RNF144B: variants seen among roughly 807,000 people sequenced by gnomAD.
RNF144B encodes the protein ring finger protein 144B.
A neutral mutation model predicts 40.2 loss-of-function variants in RNF144B; 25 were observed. The ratio of observed to expected loss-of-function variants is 0.62; its 90% CI spans 0.45 to 0.87. The LOEUF (loss-of-function observed/expected upper bound fraction) is 0.87, where lower values mean the gene tolerates loss of function less well. RNF144B is among the 40% of genes least tolerant of loss of function. The pLI, the probability that RNF144B is intolerant of heterozygous loss-of-function variation, is 0.00. For missense variants in RNF144B, 365 were observed against 373.7 expected, an observed-to-expected ratio of 0.98 and a Z score of 0.19; for synonymous variants, 145 against 136.3, an observed-to-expected ratio of 1.06 and a Z score of -0.44.
intron 2 of RNF144B, 50 bp downstream of exon 2, chr6:18,399,749 C>T: frequency 6.9e-7 from 1 of 1,446,502 alleles, no homozygotes; most frequent in South Asian, 1.2e-5. Flanking sequence ...AGGGAAAAAT[C>T]ATAAAAGTAG....
rs1365423899 is a variant in RNF144B, at chr6:18,418,585, T to C, written c.166-8996T>C. Among the ~76,000 whole-genome samples, 1 of 151,704 alleles carries C rather than the reference T, an allele frequency of 6.6e-6. No individual in the cohort carries two copies. The highest frequency in any genetic ancestry group is 1.5e-5 in the Non-Finnish European group (1 of 67,934). On this transcript the variant is annotated intron_variant, in intron 2 of 7. Transcript: ENST00000259939. The surrounding 1 kb of genome is among the most constrained non-coding windows in gnomAD (Gnocchi z 5.2). The stretch of plus-strand genomic sequence containing the variant: ...GTGCATGGAGGATCTGGGGGAGAAA[T>C]GGGGAGCATGTACTAATGGGCACAG...
At chr6:18,409,510 C>T (rs910128952) in intron 2 of RNF144B, among the ~76,000 whole-genome samples, 8 of 151,080 alleles carry the variant, frequency 5.3e-5, no homozygotes, top group African/African-American at 1.9e-4. Context: ...TGCCCTCCCC[C>T]ACCCTCTTGG....
Position 18,458,663 on chromosome 6 carries a change from C to T in RNF144B, c.537-944C>T, listed in dbSNP as rs1249908846. Among the ~76,000 whole-genome samples the T allele has an allele frequency of 6.6e-6, 1 of 152,210 alleles. No individual in the cohort carries two copies. Among genetic ancestry groups the T allele is most frequent in the African/African-American group, 2.4e-5 (1 of 41,460 alleles). ...ATCTGTGTGTCTCATAGAAGCCACTCAGCCTCTGTGAGTCTGTTTCCCTAT... is the reference window on the plus strand; with the variant it reads ...ATCTGTGTGTCTCATAGAAGCCACTTAGCCTCTGTGAGTCTGTTTCCCTAT... On this transcript the variant is annotated intron_variant, in intron 5 of 7. Transcript: ENST00000259939. The surrounding 1 kb of genome is among the most constrained non-coding windows in gnomAD (Gnocchi z 4.8).
Position 18,439,698 on chromosome 6 carries a change from A to G in RNF144B, c.285A>G (p.Val95=), listed in dbSNP as rs1262248510. 3.7e-6 allele frequency: 6 copies of G among 1,612,496 alleles called. No individual in the cohort carries two copies. Among genetic ancestry groups the G allele is most frequent in the Non-Finnish European group, 5.1e-6 (6 of 1,178,738 alleles). The change falls in exon 4 of 8, where the codon GTA becomes GTG. Residue 95 remains valine, a synonymous_variant. Coordinates refer to ENST00000259939, the MANE Select transcript of RNF144B (RefSeq NM_182757.4). ...TLQEAEIACL[V]PVDQFQLYQR... ...TCTGGTTTCAGATTGCCTGTTTGGT[A>G]CCTGTGGACCAGTTTCAACTTTATC...
chr6:18,396,658 A>G, intron 1 of RNF144B: 1 of 985,366 alleles, frequency 1.0e-6, no homozygotes, highest in Non-Finnish European at 1.2e-6. Flanking sequence ...TCTTGAAAGA[A>G]AGATAATTCA....
chr6:18,397,508 A>G (rs1311872308), intron 1 of RNF144B, among the ~76,000 whole-genome samples: 1 of 152,220 alleles, frequency 6.6e-6, no homozygotes, highest in Admixed American at 6.5e-5. Flanking sequence ...GAATATGTGG[A>G]GAAATTATTT....
intron 1 of RNF144B, 98 bp downstream of exon 1, chr6:18,387,728 C>G (rs2113445599): frequency 9.5e-7 from 1 of 1,053,448 alleles, no homozygotes; most frequent in East Asian, 6.5e-5. Context: ...TGTGACACCA[C>G]AATTTTTCGA....
rs553738342 is a variant in RNF144B at position 18,425,800 on chromosome 6, G to A, written c.166-1781G>A. Among the ~76,000 whole-genome samples the A allele has an allele frequency of 1.4e-4, 21 of 152,026 alleles. No homozygotes were observed. The highest frequency in any genetic ancestry group is 2.7e-4 in the African/African-American group (11 of 41,454). On this transcript the variant is annotated intron_variant, in intron 2 of 7. Transcript: ENST00000259939. This position sits in a 1 kb window ranked among gnomAD's most constrained non-coding sequence, Gnocchi z 4.2. ...TTTTCATGATTCTGCACATTCTATCGCATAAATTTAGCAACATTTATTTCA... is the reference window on the plus strand; with the variant it reads ...TTTTCATGATTCTGCACATTCTATCACATAAATTTAGCAACATTTATTTCA...
At chr6:18,449,934 G>A (rs751333127) in intron 4 of RNF144B, among the ~76,000 whole-genome samples, 10 of 152,160 alleles carry the variant, frequency 6.6e-5, no homozygotes, top group Non-Finnish European at 1.5e-4. Context: ...TGCCTACTGT[G>A]AATCAAAAAT....
Position 18,398,437 on chromosome 6 carries a change from T to C in RNF144B, c.-36-1062T>C. Among the ~76,000 whole-genome samples, 1 of 152,234 alleles carries C rather than the reference T, an allele frequency of 6.6e-6. No homozygotes were observed. Among genetic ancestry groups the C allele is most frequent in the East Asian group, 1.9e-4 (1 of 5,202 alleles). ...CCCAGGCTGGAGTGTGGTGACGCAA[T>C]CTTGACTCACTGCAACCTCTGCCTC... On this transcript the variant is annotated intron_variant, in intron 1 of 7. Transcript: ENST00000259939. This position sits in a 1 kb window ranked among gnomAD's most constrained non-coding sequence, Gnocchi z 5.0.
rs944110452 is a variant in RNF144B at position 18,425,354 on chromosome 6, A to C, written c.166-2227A>C. Among the ~76,000 whole-genome samples the C allele has an allele frequency of 1.3e-5, 2 of 152,194 alleles. No individual in the cohort carries two copies. The highest frequency in any genetic ancestry group is 4.1e-4 in the South Asian group (2 of 4,834). On this transcript the variant is annotated intron_variant, in intron 2 of 7. Transcript: ENST00000259939. The surrounding 1 kb of genome is among the most constrained non-coding windows in gnomAD (Gnocchi z 4.2). ...AAGATCAAGGCAGTAACAATGGAAC[A>C]GGTGTGGCTGATGGAAGGCTGAGAT...
chr6:18,441,987 AC>A lies in RNF144B; in HGVS notation c.331+2245del, dbSNP rs1489218236. On this transcript the variant is annotated intron_variant, in intron 4 of 7. Transcript: ENST00000259939. The surrounding 1 kb of genome is among the most constrained non-coding windows in gnomAD (Gnocchi z 4.9). The stretch of plus-strand genomic sequence containing the variant: ...ACTTTTTTCCCAAAGAGGTAATCAT[AC>A]CGTTCTTCAGGAAATATCATCATAC... 6.6e-6 allele frequency among the ~76,000 whole-genome samples: 1 copy of A among 152,208 alleles called. No individual in the cohort carries two copies. The highest frequency in any genetic ancestry group is 1.5e-5 in the Non-Finnish European group (1 of 68,034).
chr6:18,446,951 A>G lies in RNF144B; in HGVS notation c.331+7207A>G, dbSNP rs941746561. Among the ~76,000 whole-genome samples the G allele has an allele frequency of 5.9e-5, 9 of 151,936 alleles. No homozygotes were observed. Among genetic ancestry groups the G allele is most frequent in the Non-Finnish European group, 8.8e-5 (6 of 68,002 alleles). On this transcript the variant is annotated intron_variant, in intron 4 of 7. Transcript: ENST00000259939. The surrounding 1 kb of genome is among the most constrained non-coding windows in gnomAD (Gnocchi z 4.7). ...CATGACGGTAAATTATCCAATCCAAATGTCAATAGTGCTGCTGTTGAGAAA... is the reference window on the plus strand; with the variant it reads ...CATGACGGTAAATTATCCAATCCAAGTGTCAATAGTGCTGCTGTTGAGAAA...
rs540919718 is a variant in RNF144B at position 18,447,218 on chromosome 6, A to G, written c.331+7474A>G. On this transcript the variant is annotated intron_variant, in intron 4 of 7. Coordinates refer to ENST00000259939, the MANE Select transcript of RNF144B (RefSeq NM_182757.4). The surrounding 1 kb of genome is among the most constrained non-coding windows in gnomAD (Gnocchi z 5.6). The stretch of plus-strand genomic sequence containing the variant: ...GAGGTTATATCTGAAAAAGGACTTG[A>G]TTTGATGTGAGCAAGCCATATGGAT... 1.5e-4 allele frequency among the ~76,000 whole-genome samples: 23 copies of G among 152,226 alleles called. No homozygotes were observed. Among genetic ancestry groups the G allele is most frequent in the African/African-American group, 5.3e-4 (22 of 41,540 alleles).
At chr6:18,420,045 A>G (rs1234299294) in intron 2 of RNF144B, among the ~76,000 whole-genome samples, 1 of 152,146 alleles carries the variant, frequency 6.6e-6, no homozygotes, top group African/African-American at 2.4e-5. Flanking sequence ...GGGTGGGTTC[A>G]TATGTTTCAG....
At chr6:18,452,651 A>T (rs1212956686) in intron 4 of RNF144B, among the ~76,000 whole-genome samples, 1 of 151,990 alleles carries the variant, frequency 6.6e-6, no homozygotes, top group Admixed American at 6.6e-5. Context: ...ACCTTTTTTA[A>T]AAAAAAATTT....
chr6:18,421,839 G>C (rs561490899), intron 2 of RNF144B, among the ~76,000 whole-genome samples: 204 of 152,148 alleles, frequency 1.3e-3, no homozygotes, highest in Non-Finnish European at 2.5e-3. Context: ...GGCAGGGAAG[G>C]CTTCTGGAAT....
rs1040153897 is a variant in RNF144B at position 18,459,612 on chromosome 6, T to C, written c.542T>C (p.Leu181Pro). 1 of 1,612,894 alleles carries C rather than the reference T, an allele frequency of 6.2e-7. No homozygotes were observed. Among genetic ancestry groups the C allele is most frequent in the Non-Finnish European group, 8.5e-7 (1 of 1,179,208 alleles). ...CTCATCCATTTTGTTTCTAGAGCCC[T>C]CTTTGGGACAGATGCAGAAGCCCCC... The part of the protein sequence containing the change: ...PIVLPTEHRA[L>P]FGTDAEAPIK... The change falls in exon 6 of 8, where the codon CTC becomes CCC. Residue 181 changes from leucine to proline, a missense_variant. Leu to Pro is a moderately conservative substitution (Grantham distance 98). Coordinates refer to ENST00000259939, the MANE Select transcript of RNF144B (RefSeq NM_182757.4). This position sits in a 1 kb window ranked among gnomAD's most constrained non-coding sequence, Gnocchi z 4.2.
chr6:18,387,805 A>C (rs567564668), intron 1 of RNF144B, among the ~76,000 whole-genome samples, 175 bp downstream of exon 1: 1 of 152,346 alleles, frequency 6.6e-6, no homozygotes, highest in Non-Finnish European at 1.5e-5. Context: ...ACACCTGTTA[A>C]CTTAGAAGAA....
Sources: allele counts gnomAD v4.1 joint callset (sites outside exome capture counted in the v4.1 genomes callset), GRCh38; gene constraint gnomAD v4.1.1; non-coding constraint Gnocchi (gnomAD v3.1); transcripts MANE v1.5; gene names NCBI Gene and HGNC (gene_info 2026-07-23, HGNC 2026-07-21).